CSPG4: variants seen among roughly 807,000 people sequenced by gnomAD.
CSPG4 encodes the protein chondroitin sulfate proteoglycan 4.
In CSPG4, 74 loss-of-function variants were observed where a neutral mutation model predicts 139.3. That is an observed-to-expected ratio of 0.53 (90% confidence interval 0.44 to 0.64). CSPG4 has a LOEUF of 0.64. CSPG4 is among the 30% of genes least tolerant of loss of function. The pLI is 0.00. For missense variants in CSPG4, 2,565 were observed against 3,148.3 expected, an observed-to-expected ratio of 0.81 and a Z score of 4.43; for synonymous variants, 1,234 against 1,394.2, an observed-to-expected ratio of 0.89 and a Z score of 2.56.
intron 1 of CSPG4, among the ~76,000 whole-genome samples, chr15:75,697,345 C>A (rs1894241334): frequency 6.6e-6 from 1 of 152,166 alleles, no homozygotes; most frequent in Non-Finnish European, 1.5e-5. Flanking sequence ...GTCTGGAGGG[C>A]CCCGGCCTGG....
In CSPG4 at chr15:75,706,046, A is replaced by C. The variant is rs537535687; in HGVS notation, c.88+6622T>G. On this transcript the variant is annotated intron_variant, in intron 1 of 9. Transcript: ENST00000308508. ...CTAGGCCTCAGGCCTGCCTGGCTGG[A>C]CTCTAGCTGCAGGAGAGCTGGTCTG... Among the ~76,000 whole-genome samples, 110 of 151,578 alleles carry C rather than the reference A, an allele frequency of 7.3e-4. No individual in the cohort carries two copies. In the East Asian group the frequency reaches 0.015, roughly 20 times the overall value.
In CSPG4 at chr15:75,689,240, G is replaced by A; in HGVS notation, c.1825C>T (p.Pro609Ser). 2 of 1,610,342 alleles carry A rather than the reference G, an allele frequency of 1.2e-6. No individual in the cohort carries two copies. Among genetic ancestry groups the A allele is most frequent in the East Asian group, 2.2e-5 (1 of 44,872 alleles). ...GAGAACTCGGTCGCCGGCTCCCCAGGCTGGTCTCGGCGCTCCACGGGGAGG... is the reference window on the plus strand; with the variant it reads ...GAGAACTCGGTCGCCGGCTCCCCAGACTGGTCTCGGCGCTCCACGGGGAGG... ...SGLPVERRDQPGEPATEFSCR... is the reference protein window; with the variant it reads ...SGLPVERRDQSGEPATEFSCR... The change falls in exon 3 of 10, where the codon CCT (proline) becomes TCT (serine). Residue 609 changes from proline (P) to serine (S), a missense_variant. Pro to Ser is a moderately conservative substitution (Grantham distance 74). Coordinates refer to ENST00000308508, the MANE Select transcript of CSPG4 (RefSeq NM_001897.5).
Position 75,676,468 on chromosome 15 carries a change from G to A in CSPG4, c.6051C>T (p.Phe2017=), listed in dbSNP as rs1893893766. The change falls in exon 10 of 10, where the codon TTC becomes TTT. Residue 2017 remains phenylalanine (F), a synonymous_variant. Coordinates refer to ENST00000308508, the MANE Select transcript of CSPG4 (RefSeq NM_001897.5). ...QGEVVFAFTN[F]SSSHDHFRVL... is the part of the protein sequence containing the mutation. Reference sequence around the variant, plus strand: ...CTCTGAAGTGGTCATGAGAGGAGGAGAAGTTGGTGAAGGCAAAGACCACCT... The same window carrying A: ...CTCTGAAGTGGTCATGAGAGGAGGAAAAGTTGGTGAAGGCAAAGACCACCT... 1.9e-6 allele frequency: 3 copies of A among 1,613,904 alleles called. No individual in the cohort carries two copies. The highest frequency in any genetic ancestry group is 1.3e-5 in the African/African-American group (1 of 74,960).
Position 75,687,236 on chromosome 15 carries a change from A to G in CSPG4, c.3789+40T>C, listed in dbSNP as rs1347499505. The G allele has an allele frequency of 1.2e-6, 2 of 1,604,852 alleles. No individual in the cohort carries two copies. Among genetic ancestry groups the G allele is most frequent in the East Asian group, 2.2e-5 (1 of 44,838 alleles). The stretch of plus-strand genomic sequence containing the variant: ...CATGGAGGCTGGGAGAAGGCCCTCT[A>G]CCTGGCCCACACCCCTGCTCACCAC... On this transcript the variant is annotated intron_variant, in intron 3 of 9. Transcript: ENST00000308508. This position sits in a 1 kb window ranked among gnomAD's most constrained non-coding sequence, Gnocchi z 5.4.
chr15:75,693,147 G>A lies in CSPG4; in HGVS notation c.175C>T (p.Gln59Ter), dbSNP rs144911833. The A allele has an allele frequency of 1.2e-6, 2 of 1,601,376 alleles. No individual in the cohort carries two copies. The highest frequency in any genetic ancestry group is 2.2e-5 in the East Asian group (1 of 44,544). ...IDLQLQFSTS[Q>*]PEALLLLAAG... is the part of the protein sequence containing the mutation. ...GCCAGGAGAAGGAGGGCTTCGGGCT[G>A]GGACGTGGAGAACTGCAGCTGCAGG... The change falls in exon 2 of 10, where the codon CAG (glutamine) becomes TAG (stop). Residue 59 changes from glutamine (Q) to a stop codon, truncating the protein, a stop_gained. Transcript: ENST00000308508. LOFTEE classifies it high-confidence loss of function.
At chr15:75,701,418 G>A (rs1302920814) in intron 1 of CSPG4, among the ~76,000 whole-genome samples, 1 of 152,150 alleles carries the variant, frequency 6.6e-6, no homozygotes, top group African/African-American at 2.4e-5. Context: ...TTGCCGGGGG[G>A]TGCACCAGGA....
rs188540258 is a variant in CSPG4, at chr15:75,702,740, T to G, written c.89-9507A>C. On this transcript the variant is annotated intron_variant, in intron 1 of 9. Coordinates refer to ENST00000308508, the MANE Select transcript of CSPG4 (RefSeq NM_001897.5). ...AGAGACTGCTTTTCTGGGCCTGTGG[T>G]GACAGAGTCTGGTGCTTGTTTTTAA... Among the ~76,000 whole-genome samples the G allele has an allele frequency of 4.6e-5, 7 of 152,346 alleles. No homozygotes were observed. In the East Asian group the frequency reaches 1.2e-3, roughly 25 times the overall value.
rs1362854159 is a variant in CSPG4, at chr15:75,699,836, C to T, written c.89-6603G>A. 2.6e-5 allele frequency among the ~76,000 whole-genome samples: 4 copies of T among 152,128 alleles called. No individual in the cohort carries two copies. The East Asian group carries it at 7.7e-4, about 29-fold the overall frequency. ...AGCGGTTCCAAGAGGCTTTTCCCTG[C>T]CTTATAATCTTCCCTCTTGGACAGG... On this transcript the variant is annotated intron_variant, in intron 1 of 9. Coordinates refer to ENST00000308508, the MANE Select transcript of CSPG4 (RefSeq NM_001897.5).
chr15:75,677,245 GC>G lies in CSPG4; in HGVS notation c.5273del (p.Gly1758AlafsTer27). 1 of 1,489,520 alleles carries G rather than the reference GC, an allele frequency of 6.7e-7. No individual in the cohort carries two copies. Among genetic ancestry groups the G allele is most frequent in the South Asian group, 1.4e-5 (1 of 71,446 alleles). The allele number at this position is 1,489,520 out of a possible 1,614,324, so 92.3% of individuals were successfully genotyped here. A position where few individuals can be genotyped will look rare whatever the true frequency, so the allele number is the denominator to read the frequency against. ...LFQVTQFPSR[G>X]QLLVSEEPLH... is the part of the protein sequence containing the mutation. ...GGGGCTCCTCGGACACCAACAGCTG[GC>G]CCCGGCTGGGGAACTGTGTGACCTG... On this transcript the variant is annotated frameshift_variant, in exon 10 of 10. Transcript: ENST00000308508. LOFTEE classifies it low-confidence loss of function (END_TRUNC).
intron 3 of CSPG4, among the ~76,000 whole-genome samples, chr15:75,685,969 C>T (rs1313936998): frequency 1.3e-5 from 2 of 152,162 alleles, no homozygotes; most frequent in Non-Finnish European, 2.9e-5. Context: ...TTCCTTGAAG[C>T]CTCAACTTCC....
At chr15:75,710,757 C>T (rs906038465) in intron 1 of CSPG4, among the ~76,000 whole-genome samples, 15 of 152,140 alleles carry the variant, frequency 9.9e-5, no homozygotes, top group Non-Finnish European at 8.8e-5. Flanking sequence ...GGGGCTGCCC[C>T]TACTGCAGAA....
chr15:75,683,044 G>A lies in CSPG4; in HGVS notation c.4450-3C>T. ...GGCGCAGTGGCCCCCTCCCACATCT[G>A]GGAACACAGGCCTGTGAAGGTTCTG... On this transcript the variant is annotated splice_region_variant and splice_polypyrimidine_tract_variant and intron_variant, in intron 5 of 9. Transcript: ENST00000308508. 1 of 1,608,656 alleles carries A rather than the reference G, an allele frequency of 6.2e-7. No homozygotes were observed. The highest frequency in any genetic ancestry group is 8.5e-7 in the Non-Finnish European group (1 of 1,179,310).
At position 75,690,716 on chromosome 15, in the gene CSPG4, C is replaced by T. The variant is rs752136914; in HGVS notation, c.349G>A (p.Val117Ile). Residue 117 changes from valine (V) to isoleucine (I), a missense_variant, in exon 3 of 10, where the codon GTA becomes ATA. By Grantham distance (29) the Val-to-Ile change is conservative. This residue lies in a region of CSPG4 where 132 missense variants were observed against 132.3 expected (regional missense o/e 1.00). Transcript: ENST00000308508. ...SIPHTVVLTV[V>I]EGWATLSVDG... Reference sequence around the variant, plus strand: ...ACTGACAACGTGGCCCAGCCCTCTACGACAGTCAGCACCACAGTGTGGGGG... The same window carrying T: ...ACTGACAACGTGGCCCAGCCCTCTATGACAGTCAGCACCACAGTGTGGGGG... 15 of 1,613,044 alleles carry T rather than the reference C, an allele frequency of 9.3e-6. No homozygotes were observed. Among genetic ancestry groups the T allele is most frequent in the Middle Eastern group, 1.7e-4 (1 of 6,054 alleles).
At position 75,682,976 on chromosome 15, in the gene CSPG4, C is replaced by G. The variant is rs776715753; in HGVS notation, c.4515G>C (p.Gly1505=). The change falls in exon 6 of 10, where the codon GGG becomes GGC. Residue 1505 remains glycine (G), a synonymous_variant. Coordinates refer to ENST00000308508, the MANE Select transcript of CSPG4 (RefSeq NM_001897.5). ...CGATGGTGTAGACCAGATCCTCAGA[C>G]CCAGAGTCGCCGTCCGTGCTCCTCA... The part of the protein sequence containing the change: ...EALRSTDGDS[G]SEDLVYTIEQ... 2 of 1,611,482 alleles carry G rather than the reference C, an allele frequency of 1.2e-6. No homozygotes were observed. Among genetic ancestry groups the G allele is most frequent in the South Asian group, 2.2e-5 (2 of 91,010 alleles).
chr15:75,706,265 G>A (rs1894370421), intron 1 of CSPG4, among the ~76,000 whole-genome samples: 1 of 152,232 alleles, frequency 6.6e-6, no homozygotes, highest in African/African-American at 2.4e-5. Flanking sequence ...ACTGGCCCAG[G>A]CCAGAGGGCC....
intron 1 of CSPG4, among the ~76,000 whole-genome samples, chr15:75,711,565 G>A (rs555189950): frequency 2.0e-5 from 3 of 152,378 alleles, no homozygotes; most frequent in South Asian, 4.1e-4. Context: ...GATTCACCCC[G>A]CGGGGGTCCT....
chr15:75,678,593 G>T, intron 8 of CSPG4: 1 of 453,994 alleles, frequency 2.2e-6, no homozygotes, highest in Non-Finnish European at 4.4e-6. Flanking sequence ...GGCTCAAGCG[G>T]TCCACTTGCC....
At position 75,698,810 on chromosome 15, in the gene CSPG4, A is replaced by C. The variant is rs1894262688; in HGVS notation, c.89-5577T>G. On this transcript the variant is annotated intron_variant, in intron 1 of 9. Transcript: ENST00000308508. The surrounding 1 kb of genome is among the most constrained non-coding windows in gnomAD (Gnocchi z 4.3). Reference sequence around the variant, plus strand: ...GCTCAGCCACCCACACTGAGCTATCACCTTCACCCAACCCTGTTACTCTGA... The same window carrying C: ...GCTCAGCCACCCACACTGAGCTATCCCCTTCACCCAACCCTGTTACTCTGA... 6.6e-6 allele frequency among the ~76,000 whole-genome samples: 1 copy of C among 152,092 alleles called. No homozygotes were observed. The highest frequency in any genetic ancestry group is 2.4e-5 in the African/African-American group (1 of 41,428).
At chr15:75,693,765 C>T (rs997508723) in intron 1 of CSPG4, among the ~76,000 whole-genome samples, 5 of 152,234 alleles carry the variant, frequency 3.3e-5, no homozygotes, top group African/African-American at 9.6e-5. Context: ...TGCCATGCCC[C>T]GCCTCCATGG....
Sources: gnomAD v4.1 joint callset for allele counts (sites outside exome capture counted in the v4.1 genomes callset) on GRCh38, gnomAD v4.1.1 for gene constraint, gnomAD v4.1.1 regional missense constraint, Gnocchi (gnomAD v3.1) non-coding constraint, MANE v1.5 for transcripts, NCBI Gene and HGNC (gene_info 2026-07-23, HGNC 2026-07-21) for gene names.